The following ERBB4 variants were observed in gnomAD, a reference collection of about 807,000 sequenced individuals.
The protein encoded by ERBB4 is receptor tyrosine-protein kinase erbB-4.
In ERBB4, 42 loss-of-function variants were observed where a neutral mutation model predicts 158.0. That is an observed-to-expected ratio of 0.27 (90% CI 0.21 to 0.34). The LOEUF is 0.34. Among genes scored for constraint, ERBB4 ranks in the 10% least tolerant of loss-of-function variants. ERBB4 has a pLI of 1.00. For synonymous variants in ERBB4, 583 were observed against 558.7 expected (o/e 1.04, Z -0.61); for missense variants, 1,333 against 1,624.1 (o/e 0.82, Z 3.08).
chr2:211,429,090 CTTAA>C (rs1377769319), intron 21 of ERBB4, among the ~76,000 whole-genome samples: 2 of 151,868 alleles, frequency 1.3e-5, no homozygotes, highest in African/African-American at 2.4e-5. Flanking sequence ...TTCTATAGTT[CTTAA>C]TTAACATTCA....
At chr2:211,960,241 T>C (rs560694915) in intron 2 of ERBB4, among the ~76,000 whole-genome samples, 10 of 152,092 alleles carry the variant, frequency 6.6e-5, no homozygotes, top group Non-Finnish European at 1.2e-4. Context: ...GAGGAAGCTA[T>C]CAAAAACTAC....
At chr2:211,959,027 C>A (rs1003774839) in intron 2 of ERBB4, among the ~76,000 whole-genome samples, 5 of 151,964 alleles carry the variant, frequency 3.3e-5, no homozygotes, top group Admixed American at 3.3e-4. Flanking sequence ...ACCAAACAAT[C>A]CTAACGTAAA....
At chr2:212,045,777 A>G (rs1438684895) in intron 2 of ERBB4, among the ~76,000 whole-genome samples, 2 of 152,224 alleles carry the variant, frequency 1.3e-5, no homozygotes, top group Non-Finnish European at 2.9e-5. Context: ...CAATCAAAGT[A>G]GTCTGCTGAA....
At chr2:212,077,261 C>T (rs1205314944) in intron 2 of ERBB4, among the ~76,000 whole-genome samples, 1 of 151,822 alleles carries the variant, frequency 6.6e-6, no homozygotes, top group Non-Finnish European at 1.5e-5. Context: ...TATTCGATGA[C>T]CCAGTGATTC....
intron 12 of ERBB4, among the ~76,000 whole-genome samples, chr2:211,684,722 GCTGGTCTGAAGGACCCCACTGATGCCAA>G (rs1430517351): frequency 6.6e-6 from 1 of 152,156 alleles, no homozygotes; most frequent in Non-Finnish European, 1.5e-5. Context: ...ACTGATGCCA[GCTGGTCTGAAGGACCCCACTGATGCCAA>G]CTGGTCTGAA....
intron 1 of ERBB4, among the ~76,000 whole-genome samples, chr2:212,322,560 C>T (rs1471137472): frequency 6.6e-6 from 1 of 150,568 alleles, no homozygotes; most frequent in Non-Finnish European, 1.5e-5. Flanking sequence ...TCACTGCATG[C>T]CAAGTAACTG....
chr2:212,147,658 T>A (rs2080727127), intron 1 of ERBB4, among the ~76,000 whole-genome samples: 3 of 152,178 alleles, frequency 2.0e-5, no homozygotes, highest in South Asian at 4.1e-4. Flanking sequence ...TTGAATAAAT[T>A]GAGGATGTAT....
chr2:211,992,176 T>C (rs914276681), intron 2 of ERBB4, among the ~76,000 whole-genome samples: 4 of 152,090 alleles, frequency 2.6e-5, no homozygotes, highest in Non-Finnish European at 5.9e-5. Context: ...CCAACTAATG[T>C]CTTTTCATCA....
chr2:211,860,472 A>C (rs1258021978), intron 3 of ERBB4, among the ~76,000 whole-genome samples: 1 of 152,150 alleles, frequency 6.6e-6, no homozygotes, highest in Non-Finnish European at 1.5e-5. Context: ...ACAGAGTTGA[A>C]GCAGGATGAA....
intron 1 of ERBB4, among the ~76,000 whole-genome samples, chr2:212,513,851 G>A (rs1205608660): frequency 6.7e-6 from 1 of 150,348 alleles, no homozygotes; most frequent in African/African-American, 2.5e-5. Flanking sequence ...AACAATTTAA[G>A]TTTTCAAAGA....
chr2:211,489,322 G>A (rs2065280952), intron 20 of ERBB4, among the ~76,000 whole-genome samples: 1 of 152,008 alleles, frequency 6.6e-6, no homozygotes, highest in African/African-American at 2.4e-5. Context: ...TGAATTTTGG[G>A]AGCCAGAATG....
chr2:212,335,230 A>C (rs1209165380), intron 1 of ERBB4, among the ~76,000 whole-genome samples: 1 of 151,908 alleles, frequency 6.6e-6, no homozygotes, highest in Admixed American at 6.6e-5. Context: ...ACATATTTGG[A>C]GGGTCTCAAA....
intron 19 of ERBB4, among the ~76,000 whole-genome samples, chr2:211,607,888 T>TTTTTTC (rs35895749): frequency 5.0e-5 from 6 of 118,862 alleles, no homozygotes; most frequent in Admixed American, 1.9e-4. Flanking sequence ...TTTTTTTTTT[T>TTTTTTC]AGACAGGGTC....
At chr2:211,810,035 T>C (rs1368487954) in intron 3 of ERBB4, among the ~76,000 whole-genome samples, 1 of 152,244 alleles carries the variant, frequency 6.6e-6, no homozygotes, top group Non-Finnish European at 1.5e-5. Context: ...ACTAATATGA[T>C]TGCACTGTGG....
At chr2:211,569,464 G>C (rs2125740346) in intron 19 of ERBB4, among the ~76,000 whole-genome samples, 1 of 152,256 alleles carries the variant, frequency 6.6e-6, no homozygotes, top group East Asian at 1.9e-4. Context: ...GAGGCAACTA[G>C]TAAACAGGAA....
At chr2:212,428,570 T>C (rs56111964) in intron 1 of ERBB4, among the ~76,000 whole-genome samples, 3,552 of 152,068 alleles carry the variant, frequency 0.023, 63 homozygotes, top group Non-Finnish European at 0.037. Context: ...TAAAGAAAAA[T>C]TAATAAGAAA....
rs566556965 is a variant in ERBB4 at position 211,981,815 on chromosome 2, C to T, written c.235-34199G>A. On this transcript the variant is annotated intron_variant, in intron 2 of 27. Coordinates refer to ENST00000342788, the MANE Select transcript of ERBB4 (RefSeq NM_005235.3). ...CCTCTGAAATCCACATGAGTATGTG[C>T]ACATGAGCTCTCTCAGATTTTGATG... Among the ~76,000 whole-genome samples, 538 of 152,292 alleles carry T rather than the reference C, an allele frequency of 3.5e-3. 3 individuals are homozygous for T. The highest frequency in any genetic ancestry group is 6.3e-3 in the Non-Finnish European group (428 of 68,028).
At position 212,176,172 on chromosome 2, in the gene ERBB4, T is replaced by C. The variant is rs755123820; in HGVS notation, c.83-51269A>G. Among the ~76,000 whole-genome samples the C allele has an allele frequency of 4.9e-4, 75 of 152,154 alleles. 1 individual carries two copies. Among genetic ancestry groups the C allele is most frequent in the Non-Finnish European group, 9.1e-4 (62 of 67,966 alleles). On this transcript the variant is annotated intron_variant, in intron 1 of 27. Transcript: ENST00000342788. ...AACCTCAGGCTAACCCTTGCTGTGC[T>C]TGCATTCTATGCTTTGGTTTCTATC...
intron 1 of ERBB4, among the ~76,000 whole-genome samples, chr2:212,213,743 C>T (rs2083007936): frequency 6.6e-6 from 1 of 151,786 alleles, no homozygotes; most frequent in African/African-American, 2.4e-5. Flanking sequence ...GCATAATCAC[C>T]AGGCCCCAAC....
Sources: allele counts gnomAD v4.1 joint callset (sites outside exome capture counted in the v4.1 genomes callset), GRCh38; gene constraint gnomAD v4.1.1; transcripts MANE v1.5; gene names NCBI Gene and HGNC (gene_info 2026-07-23, HGNC 2026-07-21).